ATP13A5: variants seen among roughly 807,000 people sequenced by gnomAD.
ATP13A5 encodes probable cation-transporting ATPase 13A5.
A neutral mutation model predicts 150.2 loss-of-function variants in ATP13A5; 149 were observed. The ratio of observed to expected loss-of-function variants is 0.99; its 90% confidence interval spans 0.87 to 1.14. The LOEUF (loss-of-function observed/expected upper bound fraction) is 1.14, where lower values mean the gene tolerates loss of function less well. Among genes scored for constraint, ATP13A5 ranks in the 50% most tolerant of loss-of-function variants. The probability of loss-of-function intolerance (pLI) is 0.00; values close to 1 mark genes in which losing one functional copy is unlikely to be tolerated. For missense variants in ATP13A5, 1,383 were observed against 1,449.3 expected (o/e 0.95, Z 0.74); for synonymous variants, 497 against 522.2 (o/e 0.95, Z 0.66).
chr3:193,292,396 C>G lies in ATP13A5; in HGVS notation c.2849-2337G>C, dbSNP rs182019762. ...CTCTCATGCTCATTGTAGTTTCTTG[C>G]CTTTCTTTTACACAGTAACTGTGGT... On this transcript the variant is annotated intron_variant, in intron 25 of 29. Transcript: ENST00000342358. Among the ~76,000 whole-genome samples the G allele has an allele frequency of 4.6e-3, 693 of 152,230 alleles. 20 individuals carry two copies. Among genetic ancestry groups the G allele is most frequent in the Admixed American group, 0.039 (590 of 15,282 alleles).
Position 193,290,057 on chromosome 3 carries a change from T to A in ATP13A5, c.2851A>T (p.Ser951Cys), listed in dbSNP as rs781002599. 2 of 1,595,350 alleles carry A rather than the reference T, an allele frequency of 1.3e-6. No individual in the cohort carries two copies. The highest frequency in any genetic ancestry group is 2.3e-5 in the South Asian group (2 of 87,446). The part of the protein sequence containing the change: ...AITLMVCLTM[S>C]STHAYPKLAP... ...AGCTTTGGGTAGGCATGAGTTGAAC[T>A]CACTGAAAGACAAATACATTTTTTT... is the stretch of plus-strand genomic sequence containing the variant. The change falls in exon 26 of 30, where the codon AGT becomes TGT. Residue 951 changes from serine to cysteine, a missense_variant and splice_region_variant. By Grantham distance (112) the Ser-to-Cys change is moderately radical. Transcript: ENST00000342358.
intron 27 of ATP13A5, chr3:193,281,039 A>G: frequency 4.9e-6 from 1 of 203,120 alleles, no homozygotes; most frequent in Non-Finnish European, 8.7e-6. Flanking sequence ...CTTTATGTAT[A>G]TAAATAAATG....
chr3:193,296,756 G>C (rs2108835359), intron 25 of ATP13A5, among the ~76,000 whole-genome samples: 1 of 152,128 alleles, frequency 6.6e-6, no homozygotes, highest in Admixed American at 6.6e-5. Flanking sequence ...GAATAGTATT[G>C]AATCTGTAAA....
intron 9 of ATP13A5, among the ~76,000 whole-genome samples, chr3:193,342,257 G>A (rs186002092): frequency 6.6e-6 from 1 of 152,174 alleles, no homozygotes; most frequent in African/African-American, 2.4e-5. Context: ...ACATAGGGAA[G>A]AAATACCTAA....
intron 25 of ATP13A5, among the ~76,000 whole-genome samples, chr3:193,291,046 G>A (rs184345724): frequency 6.6e-6 from 1 of 152,102 alleles, no homozygotes; most frequent in East Asian, 1.9e-4. Context: ...GTAGAGTAGT[G>A]GTAAATGAGT....
At chr3:193,289,787 T>G in intron 26 of ATP13A5, 98 bp downstream of exon 26, 1 of 1,181,552 alleles carries the variant, frequency 8.5e-7, no homozygotes, top group Non-Finnish European at 1.2e-6. Flanking sequence ...ATTTGATTAA[T>G]TAAAAGTTTT....
intron 21 of ATP13A5, among the ~76,000 whole-genome samples, 178 bp downstream of exon 21, chr3:193,310,460 G>A: frequency 6.6e-6 from 1 of 152,242 alleles, no homozygotes; most frequent in Admixed American, 6.5e-5. Flanking sequence ...TTCTACAATG[G>A]CTGAACTAAT....
chr3:193,361,781 T>A (rs1713015221), intron 5 of ATP13A5, among the ~76,000 whole-genome samples: 1 of 152,230 alleles, frequency 6.6e-6, no homozygotes, highest in South Asian at 2.1e-4. Flanking sequence ...TTCTGACTAG[T>A]CCGTGTCTCT....
At chr3:193,296,223 G>C (rs1437277689) in intron 25 of ATP13A5, among the ~76,000 whole-genome samples, 1 of 152,064 alleles carries the variant, frequency 6.6e-6, no homozygotes, top group Non-Finnish European at 1.5e-5. Flanking sequence ...CAGAGGGAGA[G>C]AGCACCACTA....
At chr3:193,366,874 C>T (rs1158116655) in intron 1 of ATP13A5, among the ~76,000 whole-genome samples, 2 of 151,902 alleles carry the variant, frequency 1.3e-5, no homozygotes, top group Non-Finnish European at 2.9e-5. Context: ...TACAATTAAA[C>T]TAGAAATTAA....
At chr3:193,367,411 T>C (rs1713277393) in intron 1 of ATP13A5, among the ~76,000 whole-genome samples, 1 of 152,062 alleles carries the variant, frequency 6.6e-6, no homozygotes, top group Non-Finnish European at 1.5e-5. Context: ...ATATTTAAGA[T>C]AGAAATGATA....
At chr3:193,275,343 G>T in intron 29 of ATP13A5, 41 bp from the exon 30 acceptor site, 1 of 1,600,184 alleles carries the variant, frequency 6.2e-7, no homozygotes, top group African/African-American at 1.3e-5. Context: ...TATTGCGCAG[G>T]TCCCCCTGCA....
At chr3:193,320,082 G>A (rs186187282) in intron 16 of ATP13A5, among the ~76,000 whole-genome samples, 5 of 152,316 alleles carry the variant, frequency 3.3e-5, no homozygotes, top group South Asian at 2.1e-4. Flanking sequence ...GATTTATAAC[G>A]TACCTATAAG....
In ATP13A5 at chr3:193,334,902, A is replaced by C. The variant is rs1369733173; in HGVS notation, c.1114+27T>G. 6 of 1,595,062 alleles carry C rather than the reference A, an allele frequency of 3.8e-6. No homozygotes were observed. The African/African-American group carries it at 8.1e-5, about 21-fold the overall frequency. ...CTCTCCCCATGTTCAAGCATGAATT[A>C]AACTTACAAAAGTGGAATCCACTAA... On this transcript the variant is annotated intron_variant, in intron 10 of 29. Transcript: ENST00000342358.
Position 193,343,812 on chromosome 3 carries a change from T to C in ATP13A5, c.943+115A>G, listed in dbSNP as rs571906816. The C allele has an allele frequency of 1.4e-5, 17 of 1,241,810 alleles. No individual in the cohort carries two copies. The African/African-American group carries it at 2.3e-4, about 17-fold the overall frequency. The allele number at this position is 1,241,810 out of a possible 1,614,324, so 76.9% of individuals were successfully genotyped here. A position where few individuals can be genotyped will look rare whatever the true frequency, so the allele number is the denominator to read the frequency against. On this transcript the variant is annotated intron_variant, in intron 9 of 29. Coordinates refer to ENST00000342358, the MANE Select transcript of ATP13A5 (RefSeq NM_198505.4). Reference sequence around the variant, plus strand: ...CATATAAATGCAAAGGCTGGCTGTGTCTCCCTCACCTATCTCTGAATATCT... The same window carrying C: ...CATATAAATGCAAAGGCTGGCTGTGCCTCCCTCACCTATCTCTGAATATCT...
In ATP13A5 at chr3:193,312,530, C is replaced by T. The variant is rs1448813067; in HGVS notation, c.2320-589G>A. Among the ~76,000 whole-genome samples the T allele has an allele frequency of 2.0e-5, 3 of 152,198 alleles. No individual in the cohort carries two copies. The East Asian group carries it at 5.8e-4, about 29-fold the overall frequency. ...CCGAAACCCTTTCCCTCCTTCCTTG[C>T]ACCTGTCAAGGTGTTTCTCTGGCTT... On this transcript the variant is annotated intron_variant, in intron 19 of 29. Transcript: ENST00000342358.
intron 24 of ATP13A5, among the ~76,000 whole-genome samples, 194 bp downstream of exon 24, chr3:193,301,017 C>T (rs1369405002): frequency 1.3e-5 from 2 of 152,188 alleles, no homozygotes; most frequent in Non-Finnish European, 2.9e-5. Context: ...CACTAGAAAA[C>T]TCATCTACAT....
chr3:193,367,984 A>G (rs1713294237), intron 1 of ATP13A5, among the ~76,000 whole-genome samples: 1 of 139,558 alleles, frequency 7.2e-6, no homozygotes, highest in Non-Finnish European at 1.6e-5. Flanking sequence ...AGGGAAGGGA[A>G]GGAAAGGGAA....
At chr3:193,354,297 T>G in intron 5 of ATP13A5, 101 bp from the exon 6 acceptor site, 6 of 1,033,082 alleles carry the variant, frequency 5.8e-6, no homozygotes, top group Non-Finnish European at 8.5e-6. Flanking sequence ...CTTTGGAGAT[T>G]TTGTGACTTT....
Sources: gnomAD v4.1 joint callset for allele counts (sites outside exome capture counted in the v4.1 genomes callset) on GRCh38, gnomAD v4.1.1 for gene constraint, MANE v1.5 for transcripts, NCBI Gene and HGNC (gene_info 2026-07-23, HGNC 2026-07-21) for gene names.